Variants in AFF1 observed in about 807,000 individuals in gnomAD.
The protein encoded by AFF1 is ALF transcription elongation factor 1, also known as AF4/FMR2 family member 1.
AFF1 carries 48 observed loss-of-function variants against 121.7 expected under a neutral mutation model. The observed-to-expected ratio is 0.39, with a 90% CI of 0.31 to 0.50. The LOEUF is 0.50. Ranked by LOEUF, AFF1 falls within the 20% of genes least tolerant of loss-of-function variation. The pLI is 0.76. For missense variants in AFF1, 1,523 were observed against 1,511.7 expected (o/e 1.01, Z -0.12); for synonymous variants, 613 against 563.0 (o/e 1.09, Z -1.26).
intron 4 of AFF1, among the ~76,000 whole-genome samples, chr4:87,058,914 C>T (rs2061498): frequency 0.22 from 32,997 of 151,906 alleles, 3,734 homozygotes; most frequent in East Asian, 0.37. Context: ...GAGGAATGCT[C>T]TTTAAGGCCT....
At chr4:87,008,864 A>G (rs1578049729) in intron 2 of AFF1, among the ~76,000 whole-genome samples, 1 of 152,318 alleles carries the variant, frequency 6.6e-6, no homozygotes, top group East Asian at 1.9e-4. Flanking sequence ...GCTTGTCTAT[A>G]TAATCTGGTA....
intron 4 of AFF1, among the ~76,000 whole-genome samples, chr4:87,083,397 A>G (rs933606563): frequency 6.6e-6 from 1 of 152,222 alleles, no homozygotes; most frequent in African/African-American, 2.4e-5. Flanking sequence ...TGAAATGCTG[A>G]CTTTAAGTGA....
intron 2 of AFF1, among the ~76,000 whole-genome samples, chr4:86,958,219 G>A (rs564944252): frequency 5.3e-5 from 8 of 150,108 alleles, no homozygotes; most frequent in African/African-American, 2.0e-4. Flanking sequence ...TCAGCCTCCC[G>A]AGTAGCTGAG....
intron 16 of AFF1, 149 bp downstream of exon 16, chr4:87,127,852 G>C (rs1728448670): frequency 2.7e-6 from 2 of 740,130 alleles, no homozygotes; most frequent in South Asian, 3.8e-5. Context: ...AGGAGTGTAT[G>C]GGCCCTACCA....
intron 7 of AFF1, among the ~76,000 whole-genome samples, chr4:87,092,373 A>G (rs767971327): frequency 1.3e-5 from 2 of 152,224 alleles, no homozygotes; most frequent in Non-Finnish European, 2.9e-5. Flanking sequence ...TATTACTGAC[A>G]CATAGTAGCT....
At chr4:87,079,810 G>A (rs916378445) in intron 4 of AFF1, among the ~76,000 whole-genome samples, 6 of 152,132 alleles carry the variant, frequency 3.9e-5, no homozygotes, top group Admixed American at 3.9e-4. Context: ...CTACCACAAA[G>A]GTTGATGTGA....
Position 87,050,648 on chromosome 4 carries a change from G to A in AFF1, c.1059+3054G>A, listed in dbSNP as rs116697024. 2.6e-3 allele frequency among the ~76,000 whole-genome samples: 392 copies of A among 152,250 alleles called. 5 individuals carry two copies. Among genetic ancestry groups the A allele is most frequent in the African/African-American group, 8.2e-3 (342 of 41,544 alleles). On this transcript the variant is annotated intron_variant, in intron 4 of 20. Transcript: ENST00000395146. ...TAAGGGAAAAAATTATCAAAAGGTC[G>A]GTTTCCGACTAGAGGCCTGGACCAC...
chr4:87,018,028 G>T (rs1727529216), intron 2 of AFF1, among the ~76,000 whole-genome samples: 1 of 151,924 alleles, frequency 6.6e-6, no homozygotes, highest in African/African-American at 2.4e-5. Flanking sequence ...AACTTGGAGA[G>T]CCTCAATGCA....
In AFF1 at chr4:87,047,006, C is replaced by T; in HGVS notation, c.471C>T (p.Ser157=). The change falls in exon 4 of 21, where the codon AGC becomes AGT. Residue 157 remains serine, a synonymous_variant. Coordinates refer to ENST00000395146, the MANE Select transcript of AFF1 (RefSeq NM_001166693.3). ...CAATGCCAAGTCTCCATGCCAAAAG[C>T]TGCGGCCCACCGGACAGCCAGCACC... The part of the protein sequence containing the change: ...TEPMPSLHAK[S]CGPPDSQHLT... 6.2e-7 allele frequency: 1 copy of T among 1,614,184 alleles called. No individual in the cohort carries two copies. The highest frequency in any genetic ancestry group is 8.5e-7 in the Non-Finnish European group (1 of 1,180,026).
At position 87,140,113 on chromosome 4, in the gene AFF1, G is replaced by C. The variant is rs1223672512; in HGVS notation, c.*4412G>C. 2.0e-5 allele frequency: 4 copies of C among 203,444 alleles called. No homozygotes were observed. Among genetic ancestry groups the C allele is most frequent in the Non-Finnish European group, 4.0e-5 (4 of 99,056 alleles). The allele number at this position is 203,444 out of a possible 1,614,324, so 12.6% of individuals were successfully genotyped here. A position where few individuals can be genotyped will look rare whatever the true frequency, so the allele number is the denominator to read the frequency against. On this transcript the variant is annotated 3_prime_UTR_variant, in exon 21 of 21. Coordinates refer to ENST00000395146, the MANE Select transcript of AFF1 (RefSeq NM_001166693.3). ...TGTGAGCCTATATATTAGTATATCGGCCTGGAGAGGACAAGGGAATAAGAC... is the reference window on the plus strand; with the variant it reads ...TGTGAGCCTATATATTAGTATATCGCCCTGGAGAGGACAAGGGAATAAGAC...
chr4:86,963,930 T>C (rs1722334200), intron 2 of AFF1, among the ~76,000 whole-genome samples: 3 of 149,822 alleles, frequency 2.0e-5, no homozygotes, highest in South Asian at 4.3e-4. Context: ...CCAAATGCTA[T>C]GATTACAGGT....
chr4:87,106,862 T>C (rs928712327), intron 10 of AFF1, among the ~76,000 whole-genome samples: 1 of 152,232 alleles, frequency 6.6e-6, no homozygotes, highest in Non-Finnish European at 1.5e-5. Flanking sequence ...GCCCATGTGA[T>C]TATGTGCACT....
chr4:87,032,350 T>G (rs1322742060), intron 2 of AFF1, among the ~76,000 whole-genome samples: 1 of 152,248 alleles, frequency 6.6e-6, no homozygotes, highest in African/African-American at 2.4e-5. Flanking sequence ...AAAATGAAAC[T>G]GCCTCTAGTT....
rs148982573 is a variant in AFF1, at chr4:87,054,894, C to G, written c.1059+7300C>G. 2.6e-3 allele frequency among the ~76,000 whole-genome samples: 393 copies of G among 152,326 alleles called. 5 individuals are homozygous for G. Among genetic ancestry groups the G allele is most frequent in the African/African-American group, 8.2e-3 (343 of 41,582 alleles). ...CCTGTAGGGCTTGTTTTCTTTCTTT[C>G]TCCCTACCGCCCCCCACACTTTTAG... On this transcript the variant is annotated intron_variant, in intron 4 of 20. Coordinates refer to ENST00000395146, the MANE Select transcript of AFF1 (RefSeq NM_001166693.3).
intron 4 of AFF1, among the ~76,000 whole-genome samples, chr4:87,052,985 G>A (rs1731423823): frequency 6.6e-6 from 1 of 152,234 alleles, no homozygotes; most frequent in East Asian, 1.9e-4. Flanking sequence ...GTTGGGTCAT[G>A]TATTAAGATC....
chr4:87,011,006 G>A (rs1397933473), intron 2 of AFF1, among the ~76,000 whole-genome samples: 1 of 151,792 alleles, frequency 6.6e-6, no homozygotes, highest in Non-Finnish European at 1.5e-5. Flanking sequence ...GTGAACCTGG[G>A]AGGTGGAGCT....
Position 87,114,876 on chromosome 4 carries a change from C to T in AFF1, c.2043C>T (p.Ser681=), listed in dbSNP as rs1726929862. ...CCAGTGAGAAGAAGAAGCACAAGAGCTCCCTCCCTGCCCCCTCTAAGGCTC... is the reference window on the plus strand; with the variant it reads ...CCAGTGAGAAGAAGAAGCACAAGAGTTCCCTCCCTGCCCCCTCTAAGGCTC... The part of the protein sequence containing the change: ...PPSSEKKKHK[S]SLPAPSKALS... The change falls in exon 12 of 21, where the codon AGC becomes AGT. Residue 681 remains serine, a synonymous_variant. Coordinates refer to ENST00000395146, the MANE Select transcript of AFF1 (RefSeq NM_001166693.3). The T allele has an allele frequency of 6.2e-7, 1 of 1,613,780 alleles. No individual in the cohort carries two copies. The highest frequency in any genetic ancestry group is 1.7e-4 in the Middle Eastern group (1 of 6,052).
At chr4:86,991,151 CAAAACAA>C (rs1724671707) in intron 2 of AFF1, among the ~76,000 whole-genome samples, 1 of 145,224 alleles carries the variant, frequency 6.9e-6, no homozygotes, top group Non-Finnish European at 1.5e-5. Flanking sequence ...AAACAAAAAA[CAAAACAA>C]AAAAAAACCG....
intron 6 of AFF1, 119 bp from the exon 7 acceptor site, chr4:87,091,674 T>C (rs1442644024): frequency 8.9e-6 from 6 of 677,592 alleles, no homozygotes; most frequent in South Asian, 1.9e-5. Context: ...GTTTCCATTT[T>C]TCTAGATATT....
Sources: allele counts gnomAD v4.1 joint callset (sites outside exome capture counted in the v4.1 genomes callset), GRCh38; gene constraint gnomAD v4.1.1; transcripts MANE v1.5; gene names NCBI Gene and HGNC (gene_info 2026-07-23, HGNC 2026-07-21).